Variants in NCOA2 observed in about 807,000 individuals in gnomAD.
The protein encoded by NCOA2 is nuclear receptor coactivator 2.
Under a neutral mutation model 145.1 loss-of-function variants are expected in NCOA2, and 21 were observed. That is an observed-to-expected ratio of 0.14 (90% CI 0.10 to 0.21). NCOA2 has a LOEUF of 0.21. NCOA2 is among the 10% of genes least tolerant of loss of function. The pLI is 1.00. For missense variants in NCOA2, 1,472 were observed against 1,837.6 expected (o/e 0.80, Z 3.64); for synonymous variants, 619 against 637.5 (o/e 0.97, Z 0.44).
At chr8:70,399,817 G>A (rs1814059943) in intron 1 of NCOA2, among the ~76,000 whole-genome samples, 1 of 152,182 alleles carries the variant, frequency 6.6e-6, no homozygotes, top group Non-Finnish European at 1.5e-5. Context: ...CCTAAAGAGT[G>A]CTTAAAGAAT....
intron 2 of NCOA2, among the ~76,000 whole-genome samples, chr8:70,274,325 T>G (rs900479485): frequency 6.6e-6 from 1 of 152,146 alleles, no homozygotes; most frequent in African/African-American, 2.4e-5. Context: ...TGAAAAATAA[T>G]TCAGATCCAT....
chr8:70,172,045 G>C (rs547003622), intron 5 of NCOA2, among the ~76,000 whole-genome samples: 6 of 152,198 alleles, frequency 3.9e-5, no homozygotes, highest in Non-Finnish European at 8.8e-5. Flanking sequence ...AGCTGGTCTT[G>C]AACTCCTGGG....
chr8:70,173,973 C>CT (rs1814544392), intron 5 of NCOA2, among the ~76,000 whole-genome samples: 1 of 152,166 alleles, frequency 6.6e-6, no homozygotes, highest in South Asian at 2.1e-4. Flanking sequence ...GCCATGCAGT[C>CT]TTTTCAACCT....
chr8:70,441,939 G>GAAGA, the NCOA2 span, among the ~76,000 whole-genome samples: 88 of 121,624 alleles, frequency 7.2e-4, no homozygotes, highest in African/African-American at 2.5e-3. Flanking sequence ...AGAAGAAGAA[G>GAAGA]AAGAAAGAAA....
intron 2 of NCOA2, among the ~76,000 whole-genome samples, chr8:70,225,793 T>C (rs1238657180): frequency 6.6e-6 from 1 of 152,182 alleles, no homozygotes; most frequent in Non-Finnish European, 1.5e-5. Context: ...TGTTGTGGCC[T>C]AGATCACATT....
At chr8:70,418,746 C>T in the NCOA2 span, among the ~76,000 whole-genome samples, 1 of 152,164 alleles carries the variant, frequency 6.6e-6, no homozygotes, top group Non-Finnish European at 1.5e-5. Context: ...GACCACTTTG[C>T]TCAGAAGCAC....
upstream of NCOA2, among the ~76,000 whole-genome samples, chr8:70,404,230 A>G (rs1291833988): frequency 1.3e-5 from 2 of 152,212 alleles, no homozygotes; most frequent in African/African-American, 2.4e-5. Context: ...AACTGAAGAG[A>G]GAGTCAACAG....
At chr8:70,270,955 A>G (rs1000864532) in intron 2 of NCOA2, among the ~76,000 whole-genome samples, 1 of 152,264 alleles carries the variant, frequency 6.6e-6, no homozygotes, top group Non-Finnish European at 1.5e-5. Context: ...AAAGAAAAAG[A>G]TGATGAATTA....
At chr8:70,287,683 T>G (rs76847451) in intron 2 of NCOA2, among the ~76,000 whole-genome samples, 5,255 of 152,312 alleles carry the variant, frequency 0.035, 304 homozygotes, top group African/African-American at 0.12. Context: ...ATATCATTTC[T>G]GTAACCTGCA....
At chr8:70,432,200 C>T in the NCOA2 span, among the ~76,000 whole-genome samples, 1 of 152,196 alleles carries the variant, frequency 6.6e-6, no homozygotes, top group Non-Finnish European at 1.5e-5. Flanking sequence ...AACAATTTCC[C>T]TGACAGTGAG....
At chr8:70,174,466 T>C (rs558997414) in intron 5 of NCOA2, among the ~76,000 whole-genome samples, 131 of 152,316 alleles carry the variant, frequency 8.6e-4, no homozygotes, top group African/African-American at 3.0e-3. Context: ...CAGAATTTAG[T>C]AGGACTTGTG....
the NCOA2 span, among the ~76,000 whole-genome samples, chr8:70,439,709 C>A: frequency 1.3e-5 from 2 of 152,132 alleles, no homozygotes; most frequent in Non-Finnish European, 2.9e-5. Context: ...ACCCAGATGC[C>A]CACCTGGCTC....
At chr8:70,319,530 C>A (rs1284458754) in intron 1 of NCOA2, among the ~76,000 whole-genome samples, 2 of 125,584 alleles carry the variant, frequency 1.6e-5, no homozygotes, top group Non-Finnish European at 1.6e-5. Flanking sequence ...CAACAGAGAC[C>A]CTGTCTCAAA....
chr8:70,179,311 G>T (rs1385731374), intron 4 of NCOA2, among the ~76,000 whole-genome samples: 1 of 152,068 alleles, frequency 6.6e-6, no homozygotes, highest in East Asian at 1.9e-4. Flanking sequence ...CAATGTAATC[G>T]GAATCTAAAT....
chr8:70,455,021 A>G, the NCOA2 span, among the ~76,000 whole-genome samples: 1 of 152,258 alleles, frequency 6.6e-6, no homozygotes, highest in Admixed American at 6.5e-5. Context: ...CGTACTAGTA[A>G]CTTTGTGGCT....
rs1806407535 is a variant in NCOA2, at chr8:70,110,049, T to C, written c.*3583A>G. 1 of 196,034 alleles carries C rather than the reference T, an allele frequency of 5.1e-6. No homozygotes were observed. Among genetic ancestry groups the C allele is most frequent in the Non-Finnish European group, 1.1e-5 (1 of 94,306 alleles). 12.1% of individuals were successfully genotyped at this position (196,034 alleles called of 1,614,324 possible). ...TCACAACCTGAAACACTGTAAGCTT[T>C]CTCCTGAAGAACCATAGTTAATATA... On this transcript the variant is annotated 3_prime_UTR_variant, in exon 23 of 23. Transcript: ENST00000452400.
At chr8:70,289,291 C>T (rs188854540) in intron 2 of NCOA2, among the ~76,000 whole-genome samples, 63 of 152,324 alleles carry the variant, frequency 4.1e-4, no homozygotes, top group South Asian at 1.9e-3. Context: ...TCACTGGCCA[C>T]TACTCTCTAT....
chr8:70,206,225 A>G (rs778787003), intron 4 of NCOA2, among the ~76,000 whole-genome samples: 2 of 152,196 alleles, frequency 1.3e-5, no homozygotes, highest in Non-Finnish European at 2.9e-5. Flanking sequence ...GAATTTCTCT[A>G]TCTTGGTGTT....
chr8:70,257,208 A>G (rs1355929836), intron 2 of NCOA2, among the ~76,000 whole-genome samples: 3 of 152,350 alleles, frequency 2.0e-5, no homozygotes, highest in Non-Finnish European at 4.4e-5. Flanking sequence ...TGATGCTGCT[A>G]TAAATAAAAC....
Sources: allele counts gnomAD v4.1 joint callset (sites outside exome capture counted in the v4.1 genomes callset), GRCh38; gene constraint gnomAD v4.1.1; transcripts MANE v1.5; gene names NCBI Gene and HGNC (gene_info 2026-07-23, HGNC 2026-07-21).